Variants in TTLL4 observed in about 807,000 individuals in gnomAD.
TTLL4 encodes tubulin monoglutamylase TTLL4.
TTLL4 carries 85 observed loss-of-function variants against 122.7 expected under a neutral mutation model. The observed-to-expected ratio is 0.69, with a 90% CI of 0.58 to 0.83. The LOEUF (loss-of-function observed/expected upper bound fraction) is 0.83. Ranked by LOEUF, TTLL4 falls within the 40% of genes least tolerant of loss-of-function variation. TTLL4 has a pLI of 0.00. For missense variants in TTLL4, 1,363 were observed against 1,488.6 expected (o/e 0.92, Z 1.39); for synonymous variants, 553 against 563.0 (o/e 0.98, Z 0.25).
intron 1 of TTLL4, among the ~76,000 whole-genome samples, 178 bp downstream of exon 1, chr2:218,711,215 C>T (rs982264875): frequency 6.6e-6 from 1 of 152,224 alleles, no homozygotes; most frequent in Non-Finnish European, 1.5e-5. Flanking sequence ...GCCGCGGCCT[C>T]CTACCCGGCC....
In TTLL4 at chr2:218,737,683, T is replaced by C; in HGVS notation, c.7T>C (p.Ser3Pro). Residue 3 changes from serine (S) to proline (P), a missense_variant, in exon 3 of 20, where the codon TCA becomes CCA. Physicochemically the swap from Ser to Pro is moderately conservative, Grantham distance 74. Coordinates refer to ENST00000392102, the MANE Select transcript of TTLL4 (RefSeq NM_014640.5). ...GCCATGATGTGGGCCCCTCATGGCC[T>C]CAGCAGGAACACAGCACTATAGTAT... MASAGTQHYSIGL... is the reference protein window; with the variant it reads MAPAGTQHYSIGL... 6.3e-7 allele frequency: 1 copy of C among 1,591,602 alleles called. No individual in the cohort carries two copies. Among genetic ancestry groups the C allele is most frequent in the East Asian group, 2.2e-5 (1 of 44,648 alleles).
In TTLL4 at chr2:218,749,313, T is replaced by G; in HGVS notation, c.2661T>G (p.His887Gln). The G allele has an allele frequency of 6.2e-7, 1 of 1,614,132 alleles. No homozygotes were observed. Among genetic ancestry groups the G allele is most frequent in the Non-Finnish European group, 8.5e-7 (1 of 1,180,024 alleles). ...ATGTGCGACGGCCCTATAGCTGCCA[T>G]GAACTCTTTGGTTTTGACATCATGC... ...KMYVRRPYSC[H>Q]ELFGFDIMLD... The change falls in exon 14 of 20, where the codon CAT becomes CAG. Residue 887 changes from histidine to glutamine, a missense_variant. Physicochemically the swap from His to Gln is conservative, Grantham distance 24 (BLOSUM62 0). This residue lies in a region of TTLL4 where 596 missense variants were observed against 655.8 expected (regional missense o/e 0.91). Transcript: ENST00000392102.
intron 15 of TTLL4, 41 bp downstream of exon 15, chr2:218,750,187 G>A (rs1159353791): frequency 6.2e-7 from 1 of 1,603,792 alleles, no homozygotes; most frequent in East Asian, 2.2e-5. Context: ...GGCAGCATGA[G>A]TAGCCCTGCT....
chr2:218,752,895 C>T lies in TTLL4; in HGVS notation c.3109C>T (p.Arg1037Cys), dbSNP rs114349884. 3.3e-4 allele frequency: 525 copies of T among 1,614,178 alleles called. No individual in the cohort carries two copies. Among genetic ancestry groups the T allele is most frequent in the East Asian group, 7.1e-4 (32 of 44,888 alleles). The change falls in exon 17 of 20, where the codon CGC becomes TGC. Residue 1037 changes from arginine (R) to cysteine (C), a missense_variant. Physicochemically the swap from Arg to Cys is radical, Grantham distance 180. Coordinates refer to ENST00000392102, the MANE Select transcript of TTLL4 (RefSeq NM_014640.5). ...TTCTCATATCTCCTCTCGCTATCTC[C>T]GCTTTTTTGAGCAGCCACGATATTT... ...FPSHISSRYL[R>C]FFEQPRYFNI...
At chr2:218,729,099 AT>A (rs1410663402) in intron 2 of TTLL4, among the ~76,000 whole-genome samples, 2 of 151,498 alleles carry the variant, frequency 1.3e-5, no homozygotes, top group Non-Finnish European at 2.9e-5. Flanking sequence ...TGCCCGGTTA[AT>A]TTTTTATATT....
rs1942624429 is a variant in TTLL4 at position 218,739,021 on chromosome 2, G to C, written c.1345G>C (p.Gly449Arg). 2 of 1,614,086 alleles carry C rather than the reference G, an allele frequency of 1.2e-6. No homozygotes were observed. The highest frequency in any genetic ancestry group is 1.7e-6 in the Non-Finnish European group (2 of 1,180,050). The change falls in exon 3 of 20, where the codon GGC becomes CGC. Residue 449 changes from glycine to arginine, a missense_variant. Transcript: ENST00000392102. Reference sequence around the variant, plus strand: ...AATTGACTCCTCAGCATTTGGAGAAGGCAAAGCTCCAGGTCCCCCTTTTCC... The same window carrying C: ...AATTGACTCCTCAGCATTTGGAGAACGCAAAGCTCCAGGTCCCCCTTTTCC... ...SVIDSSAFGE[G>R]KAPGPPFPQT...
intron 1 of TTLL4, 70 bp downstream of exon 1, chr2:218,711,107 T>G (rs1941689024): frequency 6.6e-6 from 1 of 152,484 alleles, no homozygotes; most frequent in African/African-American, 2.4e-5. Flanking sequence ...CCGACCTCCC[T>G]CTACCTGAGT....
chr2:218,735,799 A>G (rs1211832346), intron 2 of TTLL4, among the ~76,000 whole-genome samples: 2 of 151,026 alleles, frequency 1.3e-5, no homozygotes, highest in Admixed American at 6.6e-5. Context: ...CAGGCTCCCA[A>G]GTAGCTGGGA....
intron 12 of TTLL4, 80 bp from the exon 13 acceptor site, chr2:218,748,756 G>A: frequency 8.0e-7 from 1 of 1,250,312 alleles, no homozygotes; most frequent in South Asian, 1.3e-5. Context: ...AATACCATTA[G>A]GTCTCTTCTT....
intron 2 of TTLL4, among the ~76,000 whole-genome samples, 160 bp downstream of exon 2, chr2:218,727,507 G>T (rs868229350): frequency 6.6e-6 from 1 of 152,110 alleles, no homozygotes; most frequent in African/African-American, 2.4e-5. Context: ...GGAGGCCAAG[G>T]GGGGTGGATC....
rs376492010 is a variant in TTLL4 at position 218,747,107 on chromosome 2, C to T, written c.2079C>T (p.Phe693=). The change falls in exon 9 of 20, where the codon TTC becomes TTT. Residue 693 remains phenylalanine, a synonymous_variant. Coordinates refer to ENST00000392102, the MANE Select transcript of TTLL4 (RefSeq NM_014640.5). This position sits in a 1 kb window ranked among gnomAD's most constrained non-coding sequence, Gnocchi z 4.7. Reference sequence around the variant, plus strand: ...TTGGCAAGAAGGAGTTCAGTTTCTTCCCCCAGTCCTTTATCCTGCCCCAGG... The same window carrying T: ...TTGGCAAGAAGGAGTTCAGTTTCTTTCCCCAGTCCTTTATCCTGCCCCAGG... ...SRFGKKEFSF[F]PQSFILPQDA... is the part of the protein sequence containing the mutation. 124 of 1,614,198 alleles carry T rather than the reference C, an allele frequency of 7.7e-5. No individual in the cohort carries two copies. In the Middle Eastern group the frequency reaches 1.3e-3, roughly 17 times the overall value.
chr2:218,713,263 T>C (rs1276381204), intron 1 of TTLL4, among the ~76,000 whole-genome samples: 1 of 152,176 alleles, frequency 6.6e-6, no homozygotes, highest in African/African-American at 2.4e-5. Flanking sequence ...CGTGCTCTTA[T>C]AGTCCCAGCT....
intron 2 of TTLL4, among the ~76,000 whole-genome samples, chr2:218,734,895 C>T (rs928510146): frequency 2.0e-5 from 3 of 152,300 alleles, no homozygotes; most frequent in East Asian, 1.9e-4. Context: ...CACAAACACA[C>T]GCTGTAATTG....
chr2:218,753,035 C>G, intron 17 of TTLL4, 62 bp downstream of exon 17: 1 of 1,612,854 alleles, frequency 6.2e-7, no homozygotes, highest in Non-Finnish European at 8.5e-7. Flanking sequence ...CCCAGTATAC[C>G]AAGAAATGGG....
intron 3 of TTLL4, 35 bp downstream of exon 3, chr2:218,739,198 G>A: frequency 6.3e-7 from 1 of 1,583,472 alleles, no homozygotes; most frequent in South Asian, 1.1e-5. Flanking sequence ...ATTTAGAGCA[G>A]TAGAATGTAT....
In TTLL4 at chr2:218,738,552, C is replaced by G. The variant is rs139282351; in HGVS notation, c.876C>G (p.Ser292=). ...ATATCGCCTTGTCTACCGCTAGCTCCCACGACACATCCACCACCAGTGTTG... is the reference window on the plus strand; with the variant it reads ...ATATCGCCTTGTCTACCGCTAGCTCGCACGACACATCCACCACCAGTGTTG... The part of the protein sequence containing the change: ...SAHIALSTAS[S]HDTSTTSVAS... The change falls in exon 3 of 20, where the codon TCC becomes TCG. Residue 292 remains serine (S), a synonymous_variant. Transcript: ENST00000392102. 18 of 1,614,050 alleles carry G rather than the reference C, an allele frequency of 1.1e-5. No individual in the cohort carries two copies. In the African/African-American group the frequency reaches 2.1e-4, roughly 19 times the overall value.
At chr2:218,746,331 G>A in intron 8 of TTLL4, 100 bp downstream of exon 8, 2 of 1,328,276 alleles carry the variant, frequency 1.5e-6, no homozygotes, top group Non-Finnish European at 2.2e-6. Context: ...AGAGGATGAT[G>A]ACCATGGAGA....
intron 7 of TTLL4, 166 bp downstream of exon 7, chr2:218,745,967 G>A (rs1575179294): frequency 1.1e-6 from 1 of 878,344 alleles, no homozygotes; most frequent in East Asian, 2.5e-5. Flanking sequence ...GACTGAGCCT[G>A]TTGTTCAGAA....
Position 218,738,589 on chromosome 2 carries a change from T to C in TTLL4, c.913T>C (p.Tyr305His), listed in dbSNP as rs1942605240. The C allele has an allele frequency of 6.2e-7, 1 of 1,614,074 alleles. No homozygotes were observed. The highest frequency in any genetic ancestry group is 1.3e-5 in the African/African-American group (1 of 74,924). Residue 305 changes from tyrosine (Y) to histidine (H), a missense_variant, in exon 3 of 20, where the codon TAT (tyrosine) becomes CAT (histidine). Transcript: ENST00000392102. ...TSTTSVASSW[Y>H]NRNNLAMRAE... ...CACCACCAGTGTTGCCTCTTCCTGG[T>C]ATAACCGGAATAACTTAGCCATGAG...
Sources: allele counts gnomAD v4.1 joint callset (sites outside exome capture counted in the v4.1 genomes callset), GRCh38; gene constraint gnomAD v4.1.1; regional missense constraint gnomAD v4.1.1; non-coding constraint Gnocchi (gnomAD v3.1); transcripts MANE v1.5; gene names NCBI Gene and HGNC (gene_info 2026-07-23, HGNC 2026-07-21).